Variants in EYS observed in about 807,000 individuals in gnomAD.
EYS encodes the protein EGF-like photoreceptor maintenance factor.
Under a neutral mutation model 282.1 loss-of-function variants are expected in EYS, and 250 were observed. The observed-to-expected ratio is 0.89, with a 90% CI of 0.80 to 0.98. EYS has a LOEUF of 0.98. Ranked by LOEUF, EYS falls within the 50% of genes least tolerant of loss-of-function variation. The pLI is 0.00. For missense variants in EYS, 4,016 were observed against 3,709.0 expected (o/e 1.08, Z -2.15); for synonymous variants, 1,355 against 1,282.9 (o/e 1.06, Z -1.20).
chr6:65,638,527 C>G (rs1767168338), intron 2 of EYS, among the ~76,000 whole-genome samples: 1 of 152,216 alleles, frequency 6.6e-6, no homozygotes, highest in African/African-American at 2.4e-5. Flanking sequence ...TCTGTGGTTC[C>G]TGGCGTCTCG....
intron 14 of EYS, among the ~76,000 whole-genome samples, chr6:64,996,670 C>T (rs78430676): frequency 1.3e-5 from 2 of 152,062 alleles, no homozygotes; most frequent in Admixed American, 6.6e-5. Context: ...TATGTAAATG[C>T]GAGTTACAGT....
chr6:65,123,390 G>A (rs572905416), intron 12 of EYS, among the ~76,000 whole-genome samples: 3 of 152,066 alleles, frequency 2.0e-5, no homozygotes, highest in Non-Finnish European at 4.4e-5. Context: ...ACCTCACATT[G>A]CCATAAATGA....
rs569329792 is a variant in EYS at position 64,021,232 on chromosome 6, A to T, written c.6726-22049T>A. Among the ~76,000 whole-genome samples the T allele has an allele frequency of 1.9e-4, 29 of 151,964 alleles. No individual in the cohort carries two copies. In the South Asian group the frequency reaches 5.8e-3, roughly 31 times the overall value. ...TGCAAAAGCCATTCTTTTTCTTTCC[A>T]TCACAATTACCCTTTATTGAGCATT... is the stretch of plus-strand genomic sequence containing the variant. On this transcript the variant is annotated intron_variant, in intron 33 of 42. Coordinates refer to ENST00000503581, the MANE Select transcript of EYS (RefSeq NM_001142800.2).
chr6:65,576,799 G>C (rs1375574224), intron 2 of EYS, among the ~76,000 whole-genome samples: 1 of 151,394 alleles, frequency 6.6e-6, no homozygotes, highest in Non-Finnish European at 1.5e-5. Flanking sequence ...TTTTTAAAAA[G>C]TCAAAAAATA....
At chr6:65,477,524 T>TTA (rs770850430) in intron 5 of EYS, among the ~76,000 whole-genome samples, 1 of 152,158 alleles carries the variant, frequency 6.6e-6, no homozygotes, top group African/African-American at 2.4e-5. Flanking sequence ...ATTATCACAA[T>TTA]TATATAAGCA....
intron 28 of EYS, among the ~76,000 whole-genome samples, chr6:64,394,088 C>G (rs1389655478): frequency 3.3e-5 from 5 of 152,170 alleles, no homozygotes; most frequent in African/African-American, 1.2e-4. Flanking sequence ...TGTGAAGGAC[C>G]TCTTCAAGGA....
intron 31 of EYS, among the ~76,000 whole-genome samples, chr6:64,177,260 TTC>T (rs1045595193): frequency 1.6e-4 from 24 of 151,662 alleles, no homozygotes; most frequent in Admixed American, 6.6e-4. Flanking sequence ...CTTATTTTCT[TTC>T]TGTGTTTTTT....
intron 5 of EYS, among the ~76,000 whole-genome samples, chr6:65,484,265 C>CA (rs918113287): frequency 2.0e-5 from 3 of 152,056 alleles, no homozygotes; most frequent in African/African-American, 7.2e-5. Flanking sequence ...CAGTTCTCTC[C>CA]AAATATTAAA....
intron 1 of EYS, among the ~76,000 whole-genome samples, chr6:65,684,642 T>C (rs540606965): frequency 1.3e-5 from 2 of 152,162 alleles, no homozygotes; most frequent in South Asian, 4.1e-4. Flanking sequence ...TGTTTTGAGA[T>C]ACTTCCCATG....
chr6:64,266,194 TAA>T lies in EYS; in HGVS notation c.6192-35372_6192-35371del, dbSNP rs1300510753. On this transcript the variant is annotated intron_variant, in intron 30 of 42. Coordinates refer to ENST00000503581, the MANE Select transcript of EYS (RefSeq NM_001142800.2). ...TTTCTAATTTTACTTCACAAAATTA[TAA>T]GTGTACAACACCCAGACACTAAATA... Among the ~76,000 whole-genome samples the T allele has an allele frequency of 3.3e-5, 5 of 152,132 alleles. 1 individual carries two copies. The highest frequency in any genetic ancestry group is 1.2e-4 in the African/African-American group (5 of 41,446).
intron 28 of EYS, among the ~76,000 whole-genome samples, chr6:64,404,510 C>G (rs988323205): frequency 6.6e-6 from 1 of 152,116 alleles, no homozygotes; most frequent in Non-Finnish European, 1.5e-5. Context: ...CATTTATTAT[C>G]TAGCAGAATT....
At chr6:64,187,520 T>C (rs943167472) in intron 31 of EYS, among the ~76,000 whole-genome samples, 1 of 152,032 alleles carries the variant, frequency 6.6e-6, no homozygotes, top group Non-Finnish European at 1.5e-5. Flanking sequence ...AAAATAGCAA[T>C]TATTAAATAA....
chr6:65,404,753 A>G (rs1001580022), intron 6 of EYS, among the ~76,000 whole-genome samples: 1 of 152,018 alleles, frequency 6.6e-6, no homozygotes, highest in African/African-American at 2.4e-5. Flanking sequence ...AAAGTTTAGG[A>G]GGTTGGAAAA....
intron 22 of EYS, among the ~76,000 whole-genome samples, chr6:64,640,310 G>A (rs1034459739): frequency 6.6e-6 from 1 of 150,834 alleles, no homozygotes; most frequent in Non-Finnish European, 1.5e-5. Context: ...CAAAGACTTG[G>A]AACCAACCCA....
intron 2 of EYS, among the ~76,000 whole-genome samples, chr6:65,582,031 T>A (rs187511091): frequency 0.011 from 1,720 of 150,712 alleles, 23 homozygotes; most frequent in Non-Finnish European, 0.015. Flanking sequence ...CTACTAAAAA[T>A]ATATATATAT....
intron 29 of EYS, among the ~76,000 whole-genome samples, chr6:64,364,149 G>A (rs1772115472): frequency 6.6e-6 from 1 of 151,532 alleles, no homozygotes; most frequent in Non-Finnish European, 1.5e-5. Context: ...CAAATTTCTG[G>A]CCAAGAAAAA....
chr6:64,586,737 G>T (rs1370967800), intron 26 of EYS, among the ~76,000 whole-genome samples: 2 of 151,932 alleles, frequency 1.3e-5, no homozygotes, highest in Non-Finnish European at 2.9e-5. Flanking sequence ...TCATTTAATA[G>T]AATTTTATCT....
chr6:65,700,173 G>T (rs938601714), intron 1 of EYS, among the ~76,000 whole-genome samples: 5 of 149,234 alleles, frequency 3.4e-5, no homozygotes, highest in Admixed American at 6.7e-5. Flanking sequence ...TTATGAAAGG[G>T]AGTTAAATAA....
intron 26 of EYS, among the ~76,000 whole-genome samples, chr6:64,472,382 G>T (rs1008329743): frequency 6.6e-5 from 10 of 152,174 alleles, no homozygotes; most frequent in Admixed American, 6.5e-5. Flanking sequence ...CAACATGGGA[G>T]AAGTGTGGTG....
Sources: allele counts gnomAD v4.1 joint callset (sites outside exome capture counted in the v4.1 genomes callset), GRCh38; gene constraint gnomAD v4.1.1; transcripts MANE v1.5; gene names NCBI Gene and HGNC (gene_info 2026-07-23, HGNC 2026-07-21).